PLK4: variants seen among roughly 807,000 people sequenced by gnomAD.
PLK4 encodes the protein polo like kinase 4.
Under a neutral mutation model 103.0 loss-of-function variants are expected in PLK4, and 51 were observed. The observed-to-expected ratio is 0.50, with a 90% CI of 0.40 to 0.63. The LOEUF is 0.63. Ranked by LOEUF, PLK4 falls within the 20% of genes least tolerant of loss-of-function variation. The pLI is 0.00. For missense variants in PLK4, 1,054 were observed against 1,151.0 expected (o/e 0.92, Z 1.22); for synonymous variants, 389 against 376.8 (o/e 1.03, Z -0.38).
intron 1 of PLK4, 187 bp downstream of exon 1, chr4:127,881,351 G>A (rs1294279331): frequency 6.9e-7 from 1 of 1,447,876 alleles, no homozygotes; most frequent in South Asian, 1.5e-5. Context: ...CAAGAGACAA[G>A]AGTAGGGAAG....
rs1290133780 is a variant in PLK4, at chr4:127,889,918, C to T, written c.1512C>T (p.Phe504=). 6.2e-7 allele frequency: 1 copy of T among 1,613,524 alleles called. No individual in the cohort carries two copies. The highest frequency in any genetic ancestry group is 1.1e-5 in the South Asian group (1 of 91,030). ...EYDSISPNRD[F]QGHPDLQKDT... ...ACAGCATCAGCCCAAACCGGGACTT[C>T]CAGGGCCATCCAGATTTGCAGAAGG... is the stretch of plus-strand genomic sequence containing the variant. Residue 504 remains phenylalanine (F), a synonymous_variant, in exon 7 of 16, where the codon TTC becomes TTT. Coordinates refer to ENST00000270861, the MANE Select transcript of PLK4 (RefSeq NM_014264.5).
chr4:127,892,271 C>G, intron 9 of PLK4, 94 bp from the exon 10 acceptor site: 1 of 768,022 alleles, frequency 1.3e-6, no homozygotes, highest in Non-Finnish European at 2.0e-6. Flanking sequence ...GAAAACCTGT[C>G]TAATGTAACC....
At chr4:127,897,824 C>CTTTTGTTTTTT (rs1735626971) in intron 15 of PLK4, among the ~76,000 whole-genome samples, 2 of 28,802 alleles carry the variant, frequency 6.9e-5, no homozygotes, top group Non-Finnish European at 1.3e-4. Flanking sequence ...AGAATTAGGG[C>CTTTTGTTTTTT]TTTTTTTTTT....
At chr4:127,892,245 T>G in intron 9 of PLK4, 120 bp from the exon 10 acceptor site, 1 of 635,640 alleles carries the variant, frequency 1.6e-6, no homozygotes, top group Non-Finnish European at 2.6e-6. Flanking sequence ...TTGAGGTAAC[T>G]CTTAGAAAAG....
At chr4:127,896,778 A>G in intron 14 of PLK4, 23 bp from the exon 15 acceptor site, 1 of 1,322,858 alleles carries the variant, frequency 7.6e-7, no homozygotes, top group East Asian at 2.4e-5. Flanking sequence ...GCCTGTTCTT[A>G]CCCATGCTTA....
Position 127,885,653 on chromosome 4 carries a change from A to G in PLK4, c.338-55A>G, listed in dbSNP as rs1055911875. On this transcript the variant is annotated intron_variant, in intron 4 of 15. Transcript: ENST00000270861. ...TCATAATGTATACTAAATACTAGATACTGAATCTTCCAGAGTTTCTAAATT... is the reference window on the plus strand; with the variant it reads ...TCATAATGTATACTAAATACTAGATGCTGAATCTTCCAGAGTTTCTAAATT... 9 of 1,343,640 alleles carry G rather than the reference A, an allele frequency of 6.7e-6. No homozygotes were observed. The African/African-American group carries it at 8.8e-5, about 13-fold the overall frequency. 83.2% of individuals were successfully genotyped at this position (1,343,640 alleles called of 1,614,324 possible).
chr4:127,891,248 C>A, intron 8 of PLK4, 52 bp downstream of exon 8: 1 of 889,742 alleles, frequency 1.1e-6, no homozygotes. Context: ...CGTTTAAGCA[C>A]GTTTAGCATT....
chr4:127,887,865 C>A (rs1475052226), intron 6 of PLK4, among the ~76,000 whole-genome samples: 1 of 133,328 alleles, frequency 7.5e-6, no homozygotes, highest in African/African-American at 2.8e-5. Context: ...GAGAGAGAGA[C>A]CCTGTCAAAA....
chr4:127,898,026 CAG>C (rs1177929757), intron 15 of PLK4, among the ~76,000 whole-genome samples: 1 of 151,412 alleles, frequency 6.6e-6, no homozygotes, highest in East Asian at 1.9e-4. Flanking sequence ...TTAGTAGAGA[CAG>C]GGTTTCAACA....
In PLK4 at chr4:127,893,856, C is replaced by A; in HGVS notation, c.2537C>A (p.Thr846Lys). 6.3e-7 allele frequency: 1 copy of A among 1,583,338 alleles called. No homozygotes were observed. The change falls in exon 13 of 16, where the codon ACA becomes AAA. Residue 846 changes from threonine (T) to lysine (K), a missense_variant. Thr to Lys is a moderately conservative substitution (Grantham distance 78). Coordinates refer to ENST00000270861, the MANE Select transcript of PLK4 (RefSeq NM_014264.5). ...GTCATGCATAGTGCTGCTTCTCCAA[C>A]ACAGGCACCAATCCTTAATCCCTCT... ...RMVMHSAASPTQAPILNPSMV... is the reference protein window; with the variant it reads ...RMVMHSAASPKQAPILNPSMV...
At position 127,890,154 on chromosome 4, in the gene PLK4, A is replaced by G. The variant is rs1230088045; in HGVS notation, c.1748A>G (p.Gln583Arg). 1 of 1,613,842 alleles carries G rather than the reference A, an allele frequency of 6.2e-7. No homozygotes were observed. Among genetic ancestry groups the G allele is most frequent in the Admixed American group, 1.7e-5 (1 of 59,998 alleles). ...GGTATGGAGCCACCATGGGGTTATC[A>G]GAATCGTACATTAAGAAGCATTACA... ...TRGMEPPWGY[Q>R]NRTLRSITSP... is the part of the protein sequence containing the mutation. The change falls in exon 7 of 16, where the codon CAG (glutamine) becomes CGG (arginine). Residue 583 changes from glutamine (Q) to arginine (R), a missense_variant. Physicochemically the swap from Gln to Arg is conservative, Grantham distance 43 (BLOSUM62 1). Coordinates refer to ENST00000270861, the MANE Select transcript of PLK4 (RefSeq NM_014264.5).
At chr4:127,887,552 C>A in intron 6 of PLK4, 56 bp downstream of exon 6, 3 of 972,136 alleles carry the variant, frequency 3.1e-6, no homozygotes, top group Non-Finnish European at 4.8e-6. Context: ...ACTTACCAAG[C>A]ATTGCAGTGT....
intron 14 of PLK4, 98 bp downstream of exon 14, chr4:127,895,191 A>C: frequency 1.2e-6 from 1 of 823,664 alleles, no homozygotes; most frequent in South Asian, 2.8e-5. Context: ...TATTGTAATG[A>C]TATCTTTTTA....
rs746015384 is a variant in PLK4 at position 127,886,728 on chromosome 4, T to C, written c.1358T>C (p.Leu453Pro). ...GAAAGACCTGATAACAATCAAGCAC[T>C]GTAAGAATAATTCTATCAGAGGCAT... ...SFERPDNNQA[L>P]SNHLCPGKTP... Residue 453 changes from leucine to proline, a missense_variant and splice_region_variant, in exon 5 of 16, where the codon CTC becomes CCC. Coordinates refer to ENST00000270861, the MANE Select transcript of PLK4 (RefSeq NM_014264.5). 2 of 1,577,100 alleles carry C rather than the reference T, an allele frequency of 1.3e-6. No homozygotes were observed. Among genetic ancestry groups the C allele is most frequent in the South Asian group, 1.2e-5 (1 of 85,404 alleles).
chr4:127,894,932 C>G (rs1735505223), intron 13 of PLK4, 21 bp from the exon 14 acceptor site: 1 of 1,471,602 alleles, frequency 6.8e-7, no homozygotes, highest in Non-Finnish European at 9.1e-7. Flanking sequence ...ATAATATCTT[C>G]CTGTCCTTTA....
chr4:127,893,368 G>A lies in PLK4; in HGVS notation c.2272G>A (p.Val758Ile). Residue 758 changes from valine (V) to isoleucine (I), a missense_variant, in exon 11 of 16, where the codon GTT becomes ATT. This residue lies in a region of PLK4 where 680 missense variants were observed against 660.3 expected (regional missense o/e 1.03). Transcript: ENST00000270861. ...KSYTLKSESE[V>I]NSLKEEIKMY... is the part of the protein sequence containing the mutation. ...TTACACTTTAAAAAGTGAAAGTGAA[G>A]TTAATAGCTTGAAAGAGGAGATAAA... The A allele has an allele frequency of 1.2e-6, 2 of 1,607,176 alleles. No individual in the cohort carries two copies. Among genetic ancestry groups the A allele is most frequent in the Non-Finnish European group, 1.7e-6 (2 of 1,174,772 alleles).
Position 127,891,525 on chromosome 4 carries a change from T to C in PLK4, c.1936-54T>C, listed in dbSNP as rs147388305. 8.5e-3 allele frequency: 5,733 copies of C among 677,160 alleles called. 38 individuals carry two copies. The highest frequency in any genetic ancestry group is 8.7e-3 in the Non-Finnish European group (3,423 of 392,122). 41.9% of individuals were successfully genotyped at this position (677,160 alleles called of 1,614,324 possible). On this transcript the variant is annotated intron_variant, in intron 8 of 15. Transcript: ENST00000270861. Reference sequence around the variant, plus strand: ...ACTTTGTATACGTTTTAGCAAGATATAGTACTGGAACTTAATGGCATGTAA... The same window carrying C: ...ACTTTGTATACGTTTTAGCAAGATACAGTACTGGAACTTAATGGCATGTAA...
chr4:127,890,747 A>G (rs988856695), intron 7 of PLK4, among the ~76,000 whole-genome samples: 5 of 152,038 alleles, frequency 3.3e-5, no homozygotes, highest in Admixed American at 2.0e-4. Context: ...TTTTAATTCT[A>G]TCTTTATCCT....
At chr4:127,881,261 G>A in intron 1 of PLK4, 97 bp downstream of exon 1, 1 of 1,589,706 alleles carries the variant, frequency 6.3e-7, no homozygotes, top group Non-Finnish European at 8.6e-7. Flanking sequence ...GCTAACGGCT[G>A]CGGGGCGGGC....
Sources: allele counts gnomAD v4.1 joint callset (sites outside exome capture counted in the v4.1 genomes callset), GRCh38; gene constraint gnomAD v4.1.1; regional missense constraint gnomAD v4.1.1; transcripts MANE v1.5; gene names NCBI Gene and HGNC (gene_info 2026-07-23, HGNC 2026-07-21).